The following KIRREL3 variants were observed in gnomAD, a reference collection of about 807,000 sequenced individuals.
KIRREL3 encodes kin of IRRE-like protein 3.
A neutral mutation model predicts 89.7 loss-of-function variants in KIRREL3; 36 were observed. The ratio of observed to expected loss-of-function variants is 0.40; its 90% CI spans 0.31 to 0.53. KIRREL3 has a LOEUF of 0.53. Ranked by LOEUF, KIRREL3 falls within the 20% of genes least tolerant of loss-of-function variation. KIRREL3 has a pLI of 0.49. For missense variants in KIRREL3, 864 were observed against 1,056.6 expected (o/e 0.82, Z 2.53); for synonymous variants, 445 against 441.4 (o/e 1.01, Z -0.10).
rs900167258 is a variant in KIRREL3, at chr11:126,953,670, G to T, written c.55+46785C>A. Among the ~76,000 whole-genome samples the T allele has an allele frequency of 5.3e-5, 8 of 152,120 alleles. No homozygotes were observed. Among genetic ancestry groups the T allele is most frequent in the Non-Finnish European group, 7.3e-5 (5 of 68,032 alleles). On this transcript the variant is annotated intron_variant, in intron 1 of 16. Coordinates refer to ENST00000525144, the MANE Select transcript of KIRREL3 (RefSeq NM_032531.4). This position sits in a 1 kb window ranked among gnomAD's most constrained non-coding sequence, Gnocchi z 5.2. Reference sequence around the variant, plus strand: ...CGATGACAAGATAAAAAGGCTGATTGCTGACAGAAAATAATCAAATCGTTC... The same window carrying T: ...CGATGACAAGATAAAAAGGCTGATTTCTGACAGAAAATAATCAAATCGTTC...
intron 4 of KIRREL3, among the ~76,000 whole-genome samples, chr11:126,517,381 C>A (rs1030475015): frequency 1.8e-4 from 27 of 152,182 alleles, no homozygotes; most frequent in Non-Finnish European, 1.2e-4. Context: ...TGGCCCAGGG[C>A]TCTTCCTACC....
At chr11:126,449,279 G>T in intron 7 of KIRREL3, 122 bp from the exon 8 acceptor site, 1 of 1,090,966 alleles carries the variant, frequency 9.2e-7, no homozygotes, top group Non-Finnish European at 1.3e-6. Flanking sequence ...GGAGTCCTCT[G>T]GGGTCCGTCA....
In KIRREL3 at chr11:126,622,821, T is replaced by G. The variant is rs2134846348; in HGVS notation, c.56-59909A>C. Among the ~76,000 whole-genome samples, 1 of 152,376 alleles carries G rather than the reference T, an allele frequency of 6.6e-6. No homozygotes were observed. The highest frequency in any genetic ancestry group is 1.9e-4 in the East Asian group (1 of 5,196). On this transcript the variant is annotated intron_variant, in intron 1 of 16. Coordinates refer to ENST00000525144, the MANE Select transcript of KIRREL3 (RefSeq NM_032531.4). This position sits in a 1 kb window ranked among gnomAD's most constrained non-coding sequence, Gnocchi z 5.2. ...ACTTTTTACAGTGCTAACTATACTT[T>G]TTGTAGAGTTAACTACATGCACAAT...
At chr11:126,746,799 T>C (rs1306617732) in intron 1 of KIRREL3, among the ~76,000 whole-genome samples, 4 of 152,204 alleles carry the variant, frequency 2.6e-5, no homozygotes, top group African/African-American at 7.2e-5. Flanking sequence ...TCCAACTCTT[T>C]GGTCCCAAAC....
intron 1 of KIRREL3, among the ~76,000 whole-genome samples, chr11:126,599,356 G>A (rs530894730): frequency 6.6e-6 from 1 of 152,140 alleles, no homozygotes; most frequent in East Asian, 1.9e-4. Flanking sequence ...AGGCAGGCAC[G>A]CTTTCGGCTG....
chr11:126,884,619 G>A (rs1940006), intron 1 of KIRREL3, among the ~76,000 whole-genome samples: 93,797 of 152,080 alleles, frequency 0.62, 30,455 homozygotes, highest in African/African-American at 0.82. Context: ...AACATAGCAC[G>A]CCACGGGGTA....
intron 4 of KIRREL3, among the ~76,000 whole-genome samples, chr11:126,517,946 C>T (rs936555488): frequency 2.6e-5 from 4 of 152,232 alleles, no homozygotes; most frequent in Admixed American, 6.5e-5. Flanking sequence ...GGTGAAAAGA[C>T]GCCTGTCTTG....
Position 126,978,876 on chromosome 11 carries a change from C to T in KIRREL3, c.55+21579G>A, listed in dbSNP as rs1949651262. Among the ~76,000 whole-genome samples, 1 of 152,196 alleles carries T rather than the reference C, an allele frequency of 6.6e-6. No individual in the cohort carries two copies. Among genetic ancestry groups the T allele is most frequent in the African/African-American group, 2.4e-5 (1 of 41,452 alleles). ...TCTCTTACCTGGCTTCCCTGTTATG[C>T]CCTGTGTCCCTGAATACATTGAGGT... On this transcript the variant is annotated intron_variant, in intron 1 of 16. Coordinates refer to ENST00000525144, the MANE Select transcript of KIRREL3 (RefSeq NM_032531.4). The surrounding 1 kb of genome is among the most constrained non-coding windows in gnomAD (Gnocchi z 4.2).
intron 1 of KIRREL3, among the ~76,000 whole-genome samples, chr11:126,698,220 T>C (rs956403795): frequency 2.0e-5 from 3 of 152,074 alleles, no homozygotes; most frequent in Non-Finnish European, 4.4e-5. Flanking sequence ...TATCAGCAGG[T>C]TTTTTACTGT....
At chr11:126,784,565 A>G (rs1298181614) in intron 1 of KIRREL3, among the ~76,000 whole-genome samples, 290 of 137,486 alleles carry the variant, frequency 2.1e-3, no homozygotes, top group Middle Eastern at 4.3e-3. Flanking sequence ...GTAGTCCTAC[A>G]GTCAGACTTA....
chr11:126,536,265 C>CTGTG (rs149581318), intron 2 of KIRREL3, among the ~76,000 whole-genome samples: 18 of 150,344 alleles, frequency 1.2e-4, no homozygotes, highest in Non-Finnish European at 8.9e-5. Context: ...GTGTGTGTGT[C>CTGTG]TGTGTGTGTG....
At chr11:126,580,403 C>A (rs1941479616) in intron 1 of KIRREL3, among the ~76,000 whole-genome samples, 1 of 152,024 alleles carries the variant, frequency 6.6e-6, no homozygotes, top group African/African-American at 2.4e-5. Flanking sequence ...GACTGGTGAA[C>A]CGGACAGCAG....
rs543591901 is a variant in KIRREL3, at chr11:126,611,139, G to T, written c.56-48227C>A. Reference sequence around the variant, plus strand: ...ACTTTGGGGAAGTTCCTCAACTGAAGTCACAAAGACCTAATCTGGGAGGTG... The same window carrying T: ...ACTTTGGGGAAGTTCCTCAACTGAATTCACAAAGACCTAATCTGGGAGGTG... On this transcript the variant is annotated intron_variant, in intron 1 of 16. Coordinates refer to ENST00000525144, the MANE Select transcript of KIRREL3 (RefSeq NM_032531.4). This position sits in a 1 kb window ranked among gnomAD's most constrained non-coding sequence, Gnocchi z 4.7. Among the ~76,000 whole-genome samples the T allele has an allele frequency of 6.6e-6, 1 of 152,190 alleles. No homozygotes were observed. The highest frequency in any genetic ancestry group is 2.1e-4 in the South Asian group (1 of 4,830).
At position 126,627,273 on chromosome 11, in the gene KIRREL3, G is replaced by A. The variant is rs1943831592; in HGVS notation, c.56-64361C>T. On this transcript the variant is annotated intron_variant, in intron 1 of 16. Coordinates refer to ENST00000525144, the MANE Select transcript of KIRREL3 (RefSeq NM_032531.4). The surrounding 1 kb of genome is among the most constrained non-coding windows in gnomAD (Gnocchi z 5.0). ...GGAGAGGTGGCTGTAGGATGCTGAG[G>A]ATTCCTGGGGGAGATGAGGAAGGAG... is the stretch of plus-strand genomic sequence containing the variant. 6.6e-6 allele frequency among the ~76,000 whole-genome samples: 1 copy of A among 152,222 alleles called. No individual in the cohort carries two copies. Among genetic ancestry groups the A allele is most frequent in the Admixed American group, 6.5e-5 (1 of 15,282 alleles).
At chr11:126,799,083 T>A (rs1209442667) in intron 1 of KIRREL3, among the ~76,000 whole-genome samples, 3 of 150,176 alleles carry the variant, frequency 2.0e-5, no homozygotes, top group Non-Finnish European at 4.4e-5. Context: ...TTCGTGTGTG[T>A]GCATGCATGT....
At chr11:126,596,243 C>T (rs1283767240) in intron 1 of KIRREL3, among the ~76,000 whole-genome samples, 1 of 152,094 alleles carries the variant, frequency 6.6e-6, no homozygotes, top group African/African-American at 2.4e-5. Context: ...GTTCTGTTCA[C>T]TGCCGCATCC....
In KIRREL3 at chr11:126,566,476, T is replaced by C. The variant is rs2134603641; in HGVS notation, c.56-3564A>G. ...CTGCTGACTTAATGAAAGGGCTGGCTACAAAATATGGGACTGTGAAGGGTT... is the reference window on the plus strand; with the variant it reads ...CTGCTGACTTAATGAAAGGGCTGGCCACAAAATATGGGACTGTGAAGGGTT... On this transcript the variant is annotated intron_variant, in intron 1 of 16. Transcript: ENST00000525144. The surrounding 1 kb of genome is among the most constrained non-coding windows in gnomAD (Gnocchi z 4.9). Among the ~76,000 whole-genome samples the C allele has an allele frequency of 6.6e-6, 1 of 152,296 alleles. No individual in the cohort carries two copies. Among genetic ancestry groups the C allele is most frequent in the Non-Finnish European group, 1.5e-5 (1 of 68,022 alleles).
At chr11:126,825,445 G>A (rs1946066) in intron 1 of KIRREL3, among the ~76,000 whole-genome samples, 131,465 of 152,256 alleles carry the variant, frequency 0.86, 57,107 homozygotes, top group East Asian at 1. Flanking sequence ...TATTAATACA[G>A]TGAATAATGA....
At chr11:126,921,881 A>G (rs1947332965) in intron 1 of KIRREL3, among the ~76,000 whole-genome samples, 1 of 138,192 alleles carries the variant, frequency 7.2e-6, no homozygotes, top group African/African-American at 2.8e-5. Flanking sequence ...CTATCTATCT[A>G]TCATCTATCT....
Sources: allele counts gnomAD v4.1 joint callset (sites outside exome capture counted in the v4.1 genomes callset), GRCh38; gene constraint gnomAD v4.1.1; non-coding constraint Gnocchi (gnomAD v3.1); transcripts MANE v1.5; gene names NCBI Gene and HGNC (gene_info 2026-07-23, HGNC 2026-07-21).